The following ZMAT4 variants were observed in gnomAD, a reference collection of about 807,000 sequenced individuals.
The protein encoded by ZMAT4 is zinc finger matrin-type protein 4.
A neutral mutation model predicts 28.7 loss-of-function variants in ZMAT4; 17 were observed. The observed-to-expected ratio is 0.59, with a 90% CI of 0.41 to 0.89. The LOEUF (loss-of-function observed/expected upper bound fraction) is 0.89, where lower values mean the gene tolerates loss of function less well. Ranked by LOEUF, ZMAT4 falls within the 40% of genes least tolerant of loss-of-function variation. ZMAT4 has a pLI of 0.00. For synonymous variants in ZMAT4, 117 were observed against 109.2 expected (o/e 1.07, Z -0.44); for missense variants, 240 against 283.8 (o/e 0.85, Z 1.11).
intron 3 of ZMAT4, among the ~76,000 whole-genome samples, chr8:40,728,167 A>G (rs896647364): frequency 3.3e-5 from 5 of 152,222 alleles, no homozygotes; most frequent in African/African-American, 1.2e-4. Context: ...TCCTTAAGAT[A>G]AAATTACAAT....
intron 5 of ZMAT4, among the ~76,000 whole-genome samples, chr8:40,652,287 A>C (rs9694876): frequency 0.97 from 86,202 of 89,038 alleles, 41,950 homozygotes; most frequent in Middle Eastern, 1. Context: ...TGAACAGACA[A>C]TTCTCAAAAG....
At chr8:40,880,230 G>C (rs531926918) in intron 1 of ZMAT4, among the ~76,000 whole-genome samples, 1 of 151,998 alleles carries the variant, frequency 6.6e-6, no homozygotes, top group Admixed American at 6.6e-5. Flanking sequence ...TTAGCCGAGC[G>C]TCGTGGCACA....
chr8:40,736,867 TGAAA>T (rs2150531109), intron 3 of ZMAT4, among the ~76,000 whole-genome samples: 1 of 151,940 alleles, frequency 6.6e-6, no homozygotes, highest in South Asian at 2.1e-4. Context: ...ACTCATGGAC[TGAAA>T]ATAGGGGTAA....
chr8:40,896,505 A>T (rs1818884432), intron 1 of ZMAT4, among the ~76,000 whole-genome samples: 1 of 152,234 alleles, frequency 6.6e-6, no homozygotes, highest in South Asian at 2.1e-4. Context: ...CTGCCTTCGC[A>T]GAAGAGGAAG....
intron 2 of ZMAT4, among the ~76,000 whole-genome samples, chr8:40,797,592 T>G (rs373944063): frequency 2.8e-4 from 43 of 152,322 alleles, no homozygotes; most frequent in African/African-American, 9.4e-4. Flanking sequence ...ATATTGTAGC[T>G]GTGCACATTA....
At chr8:40,801,351 A>AAATATATATATATATATATATATATAT (rs370796453) in intron 2 of ZMAT4, among the ~76,000 whole-genome samples, 7 of 97,248 alleles carry the variant, frequency 7.2e-5, no homozygotes, top group African/African-American at 2.2e-4. Context: ...TAAAAAAAAA[A>AAATATATATATATATATATATATATAT]ATATATATAT....
intron 2 of ZMAT4, among the ~76,000 whole-genome samples, chr8:40,788,889 T>C (rs1347963808): frequency 6.6e-6 from 1 of 151,740 alleles, no homozygotes; most frequent in Non-Finnish European, 1.5e-5. Flanking sequence ...CAAAGGATAT[T>C]TGTCCCAGGA....
At chr8:40,727,851 CATT>C (rs1004205657) in intron 3 of ZMAT4, among the ~76,000 whole-genome samples, 9 of 152,080 alleles carry the variant, frequency 5.9e-5, no homozygotes, top group African/African-American at 2.2e-4. Context: ...ATACAAAAAC[CATT>C]ATTAATTCAA....
At chr8:40,768,596 G>A (rs904681407) in intron 2 of ZMAT4, among the ~76,000 whole-genome samples, 2 of 152,126 alleles carry the variant, frequency 1.3e-5, no homozygotes, top group Admixed American at 6.5e-5. Flanking sequence ...CCACTTCCTA[G>A]CTGTGTGATA....
chr8:40,781,710 C>T (rs1489262625), intron 2 of ZMAT4, among the ~76,000 whole-genome samples: 5 of 133,926 alleles, frequency 3.7e-5, no homozygotes, highest in East Asian at 2.1e-4. Flanking sequence ...TGCAGTGAGC[C>T]GAGATCCCGC....
chr8:40,886,266 C>G (rs1039742400), intron 1 of ZMAT4, among the ~76,000 whole-genome samples: 1 of 152,210 alleles, frequency 6.6e-6, no homozygotes, highest in Non-Finnish European at 1.5e-5. Context: ...CAGGGAATGC[C>G]CTGCTGGCAT....
intron 6 of ZMAT4, among the ~76,000 whole-genome samples, chr8:40,550,248 G>C (rs1803326921): frequency 6.6e-6 from 1 of 152,126 alleles, no homozygotes; most frequent in South Asian, 2.1e-4. Flanking sequence ...CAAAGGCCCT[G>C]CTTTCTGAGA....
chr8:40,873,999 G>C (rs1007128395), intron 1 of ZMAT4, among the ~76,000 whole-genome samples: 2 of 152,138 alleles, frequency 1.3e-5, no homozygotes, highest in African/African-American at 4.8e-5. Flanking sequence ...AAGGGAAGAT[G>C]ATGAGTGACT....
At chr8:40,596,497 AT>A (rs1340769232) in intron 5 of ZMAT4, among the ~76,000 whole-genome samples, 1 of 152,284 alleles carries the variant, frequency 6.6e-6, no homozygotes, top group East Asian at 1.9e-4. Context: ...TTTTTAAAAA[AT>A]TTATAAACTT....
intron 5 of ZMAT4, among the ~76,000 whole-genome samples, chr8:40,643,108 C>G (rs1266289947): frequency 6.6e-6 from 1 of 152,104 alleles, no homozygotes; most frequent in East Asian, 1.9e-4. Flanking sequence ...CTTTAGAATT[C>G]CTGTACATTT....
At chr8:40,768,450 A>T (rs1813251490) in intron 2 of ZMAT4, among the ~76,000 whole-genome samples, 1 of 152,178 alleles carries the variant, frequency 6.6e-6, no homozygotes, top group South Asian at 2.1e-4. Flanking sequence ...TCTTTGCTCA[A>T]CTGAGAGTTT....
At chr8:40,632,506 G>A (rs1223196218) in intron 5 of ZMAT4, among the ~76,000 whole-genome samples, 1 of 152,140 alleles carries the variant, frequency 6.6e-6, no homozygotes, top group Admixed American at 6.5e-5. Flanking sequence ...GGATCTTGAG[G>A]TGAGATCATC....
intron 3 of ZMAT4, among the ~76,000 whole-genome samples, chr8:40,741,461 A>AG: frequency 6.6e-6 from 1 of 151,488 alleles, no homozygotes; most frequent in East Asian, 1.9e-4. Flanking sequence ...AAAAAAAAAA[A>AG]GACATAAACG....
In ZMAT4 at chr8:40,687,229, T is replaced by C. The variant is rs1809448825; in HGVS notation, c.349+10016A>G. Among the ~76,000 whole-genome samples the C allele has an allele frequency of 2.0e-5, 3 of 152,292 alleles. No individual in the cohort carries two copies. The South Asian group carries it at 6.2e-4, about 32-fold the overall frequency. On this transcript the variant is annotated intron_variant, in intron 4 of 6. Transcript: ENST00000297737. ...GCACTGAAGTACAACTTAATGACACTTGAGACACATAGAAGGTGACAGAAT... is the reference window on the plus strand; with the variant it reads ...GCACTGAAGTACAACTTAATGACACCTGAGACACATAGAAGGTGACAGAAT...
Sources: gnomAD v4.1 joint callset for allele counts (sites outside exome capture counted in the v4.1 genomes callset) on GRCh38, gnomAD v4.1.1 for gene constraint, MANE v1.5 for transcripts, NCBI Gene and HGNC (gene_info 2026-07-23, HGNC 2026-07-21) for gene names.